Variants in ADAMTS9 observed in about 807,000 individuals in gnomAD.
The protein encoded by ADAMTS9 is ADAM metallopeptidase with thrombospondin type 1 motif 9, also known as A disintegrin and metalloproteinase with thrombospondin motifs 9.
Under a neutral mutation model 257.1 loss-of-function variants are expected in ADAMTS9, and 107 were observed. The observed-to-expected ratio is 0.42, with a 90% CI of 0.36 to 0.49. The LOEUF (loss-of-function observed/expected upper bound fraction) is 0.49. Among genes scored for constraint, ADAMTS9 ranks in the 20% least tolerant of loss-of-function variants. The pLI, the probability that ADAMTS9 is intolerant of heterozygous loss-of-function variation, is 0.03. For missense variants in ADAMTS9, 2,353 were observed against 2,469.1 expected (o/e 0.95, Z 1.00); for synonymous variants, 982 against 880.9 (o/e 1.11, Z -2.03).
At chr3:64,626,730 A>T (rs1700231096) in intron 16 of ADAMTS9, among the ~76,000 whole-genome samples, 1 of 152,216 alleles carries the variant, frequency 6.6e-6, no homozygotes, top group African/African-American at 2.4e-5. Flanking sequence ...AGCCCAAGAA[A>T]GATCCCAACC....
chr3:64,633,325 C>T (rs962479202), intron 14 of ADAMTS9, 147 bp downstream of exon 14: 2 of 1,195,992 alleles, frequency 1.7e-6, no homozygotes, highest in Non-Finnish European at 2.3e-6. Flanking sequence ...GATATTGATG[C>T]TGTTGCTGAT....
At chr3:64,532,545 C>G (rs73118169) in intron 38 of ADAMTS9, among the ~76,000 whole-genome samples, 4 of 152,290 alleles carry the variant, frequency 2.6e-5, no homozygotes, top group Non-Finnish European at 5.9e-5. Context: ...CTGTGCCCAT[C>G]ACCACCTGAG....
intron 32 of ADAMTS9, 53 bp downstream of exon 32, chr3:64,546,705 A>T (rs1331878554): frequency 6.6e-7 from 1 of 1,518,534 alleles, no homozygotes; most frequent in Admixed American, 2.0e-5. Context: ...CATGTTTAAG[A>T]CGGGGTTGAG....
Position 64,541,183 on chromosome 3 carries a change from A to G in ADAMTS9, c.5433T>C (p.Asp1811=). Residue 1811 remains aspartate (D), a synonymous_variant, in exon 36 of 40, where the codon GAT becomes GAC. Coordinates refer to ENST00000498707, the MANE Select transcript of ADAMTS9 (RefSeq NM_182920.2). ...TECPYNGSRR[D]DCQCRKDYTA... is the part of the protein sequence containing the mutation. ...TGTAATCCTTCCGACATTGGCAGTC[A>G]TCGCGCCGGCTCCCGTTATAGGGAC... is the stretch of plus-strand genomic sequence containing the variant. The G allele has an allele frequency of 6.2e-7, 1 of 1,614,218 alleles. No homozygotes were observed. Among genetic ancestry groups the G allele is most frequent in the South Asian group, 1.1e-5 (1 of 91,088 alleles).
intron 3 of ADAMTS9, among the ~76,000 whole-genome samples, chr3:64,667,074 T>G (rs947716360): frequency 2.6e-5 from 4 of 152,318 alleles, no homozygotes; most frequent in East Asian, 3.9e-4. Flanking sequence ...CAAGTAGTGC[T>G]ACATGCACAG....
At chr3:64,565,555 T>G (rs1441691287) in intron 29 of ADAMTS9, 2 of 152,272 alleles carry the variant, frequency 1.3e-5, no homozygotes, top group Non-Finnish European at 2.9e-5. Flanking sequence ...GATTGATTAA[T>G]GCATTGGTGT....
chr3:64,597,470 C>T (rs749716577), intron 26 of ADAMTS9, among the ~76,000 whole-genome samples: 1 of 152,178 alleles, frequency 6.6e-6, no homozygotes, highest in Non-Finnish European at 1.5e-5. Flanking sequence ...TGTATGAACT[C>T]CTTCAATTAC....
At chr3:64,543,965 A>G (rs1191726666) in intron 32 of ADAMTS9, among the ~76,000 whole-genome samples, 1 of 152,246 alleles carries the variant, frequency 6.6e-6, no homozygotes, top group East Asian at 1.9e-4. Flanking sequence ...GCATTCTTAT[A>G]CACCAATAAC....
chr3:64,664,435 C>T (rs1052146830), intron 3 of ADAMTS9, among the ~76,000 whole-genome samples: 3 of 152,118 alleles, frequency 2.0e-5, no homozygotes, highest in African/African-American at 4.8e-5. Flanking sequence ...CCATTCCATT[C>T]TCCCCTTTCC....
In ADAMTS9 at chr3:64,615,448, C is replaced by T. The variant is rs1202594914; in HGVS notation, c.3062G>A (p.Arg1021Lys). Residue 1021 changes from arginine (R) to lysine (K), a missense_variant, in exon 21 of 40, where the codon AGG becomes AAG. Around this residue, in one of 3 missense-constraint regions of ADAMTS9, gnomAD observed 1,402 missense variants for 1,441.4 expected, o/e 0.97. Transcript: ENST00000498707. ...KSCDGGTQRR[R>K]AICVNTRNDV... is the part of the protein sequence containing the mutation. ...ATTTCGGGTATTGACACAAATAGCC[C>T]TTCTCCTCTGGGTCCCACCGTCACA... 1.2e-6 allele frequency: 2 copies of T among 1,613,746 alleles called. No individual in the cohort carries two copies. The highest frequency in any genetic ancestry group is 1.7e-5 in the Admixed American group (1 of 59,990).
intron 26 of ADAMTS9, among the ~76,000 whole-genome samples, chr3:64,597,237 G>T (rs1362103308): frequency 6.6e-6 from 1 of 152,136 alleles, no homozygotes; most frequent in Admixed American, 6.5e-5. Context: ...GCCCTCTACA[G>T]GGGTTCCATA....
In ADAMTS9 at chr3:64,687,718, C is replaced by A. The variant is rs1048098955; in HGVS notation, c.-61G>T. On this transcript the variant is annotated 5_prime_UTR_variant, in exon 1 of 40. Transcript: ENST00000498707. This position sits in a 1 kb window ranked among gnomAD's most constrained non-coding sequence, Gnocchi z 4.4. ...CCCTCCCTCCTGCCCTCCTTGGCTG[C>A]GGCGGCGACGCGAGGCAGCGGCCGT... 3.5e-5 allele frequency: 45 copies of A among 1,288,320 alleles called. No individual in the cohort carries two copies. The highest frequency in any genetic ancestry group is 4.2e-5 in the Non-Finnish European group (41 of 966,996). The allele number at this position is 1,288,320 out of a possible 1,614,324, so 79.8% of individuals were successfully genotyped here.
chr3:64,641,300 TTTG>T (rs1251602183), intron 12 of ADAMTS9, among the ~76,000 whole-genome samples: 3 of 151,988 alleles, frequency 2.0e-5, no homozygotes, highest in African/African-American at 7.2e-5. Context: ...TTTTTGCTTT[TTTG>T]TTGTTTTTTT....
intron 38 of ADAMTS9, among the ~76,000 whole-genome samples, chr3:64,531,982 A>G (rs1309656447): frequency 6.6e-6 from 1 of 152,196 alleles, no homozygotes; most frequent in African/African-American, 2.4e-5. Flanking sequence ...ACCTGGCTGT[A>G]CATTTGAATC....
chr3:64,655,318 C>CG (rs1185278994), intron 6 of ADAMTS9, among the ~76,000 whole-genome samples: 8 of 152,160 alleles, frequency 5.3e-5, no homozygotes, highest in Non-Finnish European at 1.0e-4. Context: ...GCCCTCCCCA[C>CG]GGGGGGCAGT....
In ADAMTS9 at chr3:64,571,565, C is replaced by G. The variant is rs550202469; in HGVS notation, c.4357-3030G>C. Among the ~76,000 whole-genome samples the G allele has an allele frequency of 5.9e-5, 9 of 152,262 alleles. No homozygotes were observed. The South Asian group carries it at 1.0e-3, about 18-fold the overall frequency. On this transcript the variant is annotated intron_variant, in intron 28 of 39. Transcript: ENST00000498707. ...CTGGACTAGCTGTAACCTACCCATT[C>G]CAGGGTTTTGTTTTTGTTTTTAAAT... is the stretch of plus-strand genomic sequence containing the variant.
chr3:64,533,343 A>G, intron 37 of ADAMTS9, 73 bp from the exon 38 acceptor site: 2 of 1,135,264 alleles, frequency 1.8e-6, no homozygotes, highest in Non-Finnish European at 2.7e-6. Context: ...CAAAGGTGAT[A>G]CAATAAAAGG....
chr3:64,601,593 C>G (rs1349161544), intron 26 of ADAMTS9, among the ~76,000 whole-genome samples: 2 of 152,156 alleles, frequency 1.3e-5, no homozygotes, highest in Non-Finnish European at 2.9e-5. Context: ...AATTCCCTTT[C>G]AGAAAAGTTT....
chr3:64,556,021 A>G (rs1231850718), intron 30 of ADAMTS9, among the ~76,000 whole-genome samples: 1 of 152,184 alleles, frequency 6.6e-6, no homozygotes, highest in African/African-American at 2.4e-5. Flanking sequence ...GTCATTCCCT[A>G]CTGTTAACTT....
Sources: allele counts gnomAD v4.1 joint callset (sites outside exome capture counted in the v4.1 genomes callset), GRCh38; gene constraint gnomAD v4.1.1; regional missense constraint gnomAD v4.1.1; non-coding constraint Gnocchi (gnomAD v3.1); transcripts MANE v1.5; gene names NCBI Gene and HGNC (gene_info 2026-07-23, HGNC 2026-07-21).